The following WDR7 variants were observed in gnomAD, a reference collection of about 807,000 sequenced individuals.
WDR7 encodes the protein WD repeat domain 7.
WDR7 carries 46 observed loss-of-function variants against 169.4 expected under a neutral mutation model. That is an observed-to-expected ratio of 0.27 (90% CI 0.21 to 0.35). The LOEUF is 0.35. WDR7 is among the 10% of genes least tolerant of loss of function. WDR7 has a pLI of 1.00. For missense variants in WDR7, 1,534 were observed against 1,859.3 expected, an observed-to-expected ratio of 0.83 and a Z score of 3.22; for synonymous variants, 612 against 666.8, an observed-to-expected ratio of 0.92 and a Z score of 1.27.
At chr18:56,977,393 C>T (rs997194481) in intron 26 of WDR7, among the ~76,000 whole-genome samples, 3 of 152,140 alleles carry the variant, frequency 2.0e-5, no homozygotes, top group African/African-American at 4.8e-5. Context: ...TTGGAAGATT[C>T]GGCTCTGATC....
In WDR7 at chr18:56,681,334, G is replaced by A; in HGVS notation, c.288G>A (p.Val96=). Residue 96 remains valine, a synonymous_variant, in exon 4 of 28, where the codon GTG becomes GTA. Transcript: ENST00000254442. ...ATAGAGAGATGTGCCTCTGGGATGTGAGTGATGGCAGATGTATTGAATTTA... is the reference window on the plus strand; with the variant it reads ...ATAGAGAGATGTGCCTCTGGGATGTAAGTGATGGCAGATGTATTGAATTTA... The part of the protein sequence containing the change: ...SESGEMCLWD[V]SDGRCIEFTK... The A allele has an allele frequency of 6.3e-7, 1 of 1,595,404 alleles. No homozygotes were observed. The highest frequency in any genetic ancestry group is 8.5e-7 in the Non-Finnish European group (1 of 1,174,940).
chr18:56,890,933 A>G (rs965744977), intron 21 of WDR7: 3 of 152,222 alleles, frequency 2.0e-5, no homozygotes, highest in Non-Finnish European at 4.4e-5. Context: ...AATCACTTGC[A>G]GAATGTTTTT....
chr18:56,813,104 G>C (rs1012418595), intron 19 of WDR7, among the ~76,000 whole-genome samples: 1 of 150,682 alleles, frequency 6.6e-6, no homozygotes. Flanking sequence ...TGGGTGCAGC[G>C]CACCAGCATG....
Position 56,723,581 on chromosome 18 carries a change from G to A in WDR7, c.1774+5422G>A, listed in dbSNP as rs145597468. Among the ~76,000 whole-genome samples the A allele has an allele frequency of 2.6e-5, 4 of 152,106 alleles. No homozygotes were observed. The East Asian group carries it at 7.7e-4, about 29-fold the overall frequency. On this transcript the variant is annotated intron_variant, in intron 13 of 27. Transcript: ENST00000254442. ...TCAGCAAGAAATCTGTCAACCTTAT[G>A]TTTCCTCTGTATATAACATTTCTTT...
rs896145998 is a variant in WDR7 at position 56,827,861 on chromosome 18, TA to T, written c.3304+11725del. 2.6e-5 allele frequency among the ~76,000 whole-genome samples: 4 copies of T among 151,798 alleles called. No homozygotes were observed. The South Asian group carries it at 6.2e-4, about 24-fold the overall frequency. Reference sequence around the variant, plus strand: ...TATATACCCACAAAAATGAAAAATTTAAAAAAAACAGCAAAAAACAAAAAAG... The same window carrying T: ...TATATACCCACAAAAATGAAAAATTTAAAAAAACAGCAAAAAACAAAAAAG... On this transcript the variant is annotated intron_variant, in intron 20 of 27. Transcript: ENST00000254442.
At chr18:56,851,278 C>T (rs2045637505) in intron 20 of WDR7, among the ~76,000 whole-genome samples, 1 of 152,130 alleles carries the variant, frequency 6.6e-6, no homozygotes. Context: ...CTTAGTCTTT[C>T]ATTCTTCCAT....
intron 21 of WDR7, among the ~76,000 whole-genome samples, chr18:56,905,215 C>G (rs1437819610): frequency 6.6e-6 from 1 of 152,198 alleles, no homozygotes; most frequent in Non-Finnish European, 1.5e-5. Flanking sequence ...GTGGCACCAT[C>G]TTGGCTCACC....
chr18:56,796,749 A>G (rs555745505), intron 19 of WDR7, among the ~76,000 whole-genome samples: 10 of 152,250 alleles, frequency 6.6e-5, no homozygotes, highest in African/African-American at 2.2e-4. Context: ...CTTTAATTTT[A>G]TTAGATTAAA....
chr18:56,914,902 G>A (rs764132964), intron 21 of WDR7, among the ~76,000 whole-genome samples: 4 of 152,168 alleles, frequency 2.6e-5, no homozygotes, highest in Non-Finnish European at 5.9e-5. Flanking sequence ...AACTTAATTT[G>A]AAATTCAGCA....
chr18:56,870,485 A>G (rs2045938170), intron 20 of WDR7, among the ~76,000 whole-genome samples: 2 of 152,172 alleles, frequency 1.3e-5, no homozygotes, highest in Non-Finnish European at 2.9e-5. Context: ...ATGTCTTGGT[A>G]CCTTCACTAA....
At chr18:56,775,881 A>T (rs966010179) in intron 16 of WDR7, among the ~76,000 whole-genome samples, 3 of 152,202 alleles carry the variant, frequency 2.0e-5, no homozygotes, top group African/African-American at 7.2e-5. Context: ...GCCCAAACCT[A>T]TTGCTGTTCA....
chr18:56,823,238 A>T (rs571014421), intron 20 of WDR7, among the ~76,000 whole-genome samples: 2 of 152,230 alleles, frequency 1.3e-5, no homozygotes, highest in South Asian at 4.1e-4. Context: ...TCAGATTCGT[A>T]TGTCCTCCTG....
chr18:56,863,405 T>TA (rs1201189126), intron 20 of WDR7, among the ~76,000 whole-genome samples: 1 of 151,756 alleles, frequency 6.6e-6, no homozygotes, highest in East Asian at 1.9e-4. Context: ...TTGAGAGGGA[T>TA]AAAAGCACTT....
rs146837746 is a variant in WDR7 at position 56,786,934 on chromosome 18, C to G, written c.3190+5278C>G. On this transcript the variant is annotated intron_variant, in intron 19 of 27. Coordinates refer to ENST00000254442, the MANE Select transcript of WDR7 (RefSeq NM_015285.3). ...TAGTTTTTGCCATTAAAAGTAGTGG[C>G]AAAAACCACAATTACTTTTGCACCA... Among the ~76,000 whole-genome samples, 375 of 151,380 alleles carry G rather than the reference C, an allele frequency of 2.5e-3. 2 individuals carry two copies. The highest frequency in any genetic ancestry group is 4.0e-3 in the Non-Finnish European group (273 of 67,750).
intron 13 of WDR7, among the ~76,000 whole-genome samples, chr18:56,723,542 G>A (rs1187085453): frequency 6.6e-6 from 1 of 151,954 alleles, no homozygotes; most frequent in African/African-American, 2.4e-5. Context: ...GCTGTCTTCT[G>A]GGTTGCATTA....
chr18:57,014,185 G>C (rs2048175452), intron 26 of WDR7, among the ~76,000 whole-genome samples: 1 of 151,908 alleles, frequency 6.6e-6, no homozygotes, highest in South Asian at 2.1e-4. Flanking sequence ...AATTAGCTGG[G>C]CGTCATGGCA....
intron 19 of WDR7, among the ~76,000 whole-genome samples, chr18:56,785,660 G>GTCCC (rs1162366332): frequency 2.0e-5 from 3 of 152,092 alleles, no homozygotes; most frequent in African/African-American, 7.2e-5. Context: ...TTCACAGTCC[G>GTCCC]TAAGTGATTG....
At chr18:56,846,142 G>T (rs1168190934) in intron 20 of WDR7, among the ~76,000 whole-genome samples, 1 of 152,174 alleles carries the variant, frequency 6.6e-6, no homozygotes, top group African/African-American at 2.4e-5. Flanking sequence ...TTTCTAAAGA[G>T]ATTATGTGAT....
intron 20 of WDR7, among the ~76,000 whole-genome samples, chr18:56,878,848 G>A (rs1232729566): frequency 1.3e-5 from 2 of 152,088 alleles, no homozygotes; most frequent in African/African-American, 2.4e-5. Context: ...TCCCCTTAGC[G>A]TAATGTTTTC....
Sources: allele counts gnomAD v4.1 joint callset (sites outside exome capture counted in the v4.1 genomes callset), GRCh38; gene constraint gnomAD v4.1.1; transcripts MANE v1.5; gene names NCBI Gene and HGNC (gene_info 2026-07-23, HGNC 2026-07-21).